Variants in RBFOX1 observed in about 807,000 individuals in gnomAD.
The protein encoded by RBFOX1 is RNA binding protein fox-1 homolog 1.
RBFOX1 carries 8 observed loss-of-function variants against 57.7 expected under a neutral mutation model. The ratio of observed to expected loss-of-function variants is 0.14; its 90% CI spans 0.08 to 0.25. The LOEUF is 0.25. Ranked by LOEUF, RBFOX1 falls within the 10% of genes least tolerant of loss-of-function variation. RBFOX1 has a pLI of 1.00. For synonymous variants in RBFOX1, 326 were observed against 222.4 expected, an observed-to-expected ratio of 1.47 and a Z score of -4.15; for missense variants, 611 against 548.5, an observed-to-expected ratio of 1.11 and a Z score of -1.14.
upstream of RBFOX1, among the ~76,000 whole-genome samples, chr16:6,016,410 C>G (rs746331834): frequency 1.3e-5 from 2 of 152,124 alleles, no homozygotes; most frequent in Non-Finnish European, 2.9e-5. Context: ...TTGGATACAA[C>G]AAGAGAAAAG....
intron 4 of RBFOX1, among the ~76,000 whole-genome samples, chr16:7,337,907 A>G (rs2096823745): frequency 6.6e-6 from 1 of 151,516 alleles, no homozygotes; most frequent in African/African-American, 2.4e-5. Flanking sequence ...CTCATCTTGA[A>G]CTCTTGACCT....
At chr16:5,324,773 A>G (rs139552505) in intron 1 of RBFOX1, among the ~76,000 whole-genome samples, 1 of 152,212 alleles carries the variant, frequency 6.6e-6, no homozygotes, top group Non-Finnish European at 1.5e-5. Context: ...ACGGACACAT[A>G]GAGGGGAACA....
chr16:6,630,069 C>T (rs146747879), intron 2 of RBFOX1, among the ~76,000 whole-genome samples: 1 of 151,166 alleles, frequency 6.6e-6, no homozygotes, highest in African/African-American at 2.4e-5. Flanking sequence ...TTTCTTCTGA[C>T]AGGAAGAGGG....
At chr16:6,712,733 A>G (rs1023265419) in intron 3 of RBFOX1, among the ~76,000 whole-genome samples, 3 of 151,942 alleles carry the variant, frequency 2.0e-5, no homozygotes, top group Admixed American at 6.6e-5. Context: ...CTCCCCTCCT[A>G]TCACCTGGCA....
rs577089710 is a variant in RBFOX1, at chr16:6,936,805, A to C, written c.-15-115252A>C. Among the ~76,000 whole-genome samples, 7 of 152,122 alleles carry C rather than the reference A, an allele frequency of 4.6e-5. No individual in the cohort carries two copies. In the South Asian group the frequency reaches 1.5e-3, roughly 32 times the overall value. ...TGTTGCCTCTTGAAAGCCTGTGCCC[A>C]AAACGCTTTAAAGAGGTTCTTTCCG... On this transcript the variant is annotated intron_variant, in intron 3 of 15. Coordinates refer to ENST00000550418, the MANE Select transcript of RBFOX1 (RefSeq NM_018723.4).
intron 3 of RBFOX1, among the ~76,000 whole-genome samples, chr16:5,855,869 A>G (rs1597503857): frequency 6.7e-6 from 1 of 149,360 alleles, no homozygotes; most frequent in African/African-American, 2.5e-5. Context: ...ATGTCTTTGC[A>G]TTTATCTGTC....
intron 1 of RBFOX1, among the ~76,000 whole-genome samples, chr16:6,113,398 T>C (rs939417393): frequency 6.6e-6 from 1 of 152,182 alleles, no homozygotes; most frequent in Non-Finnish European, 1.5e-5. Flanking sequence ...TTAATACTAC[T>C]TCAGGGAAGT....
At chr16:5,534,425 A>G (rs2044613591) in intron 2 of RBFOX1, among the ~76,000 whole-genome samples, 1 of 152,206 alleles carries the variant, frequency 6.6e-6, no homozygotes, top group African/African-American at 2.4e-5. Context: ...CCTCAAAAGC[A>G]TGGAAGCCAA....
At chr16:6,663,788 A>T (rs2098715578) in intron 3 of RBFOX1, among the ~76,000 whole-genome samples, 1 of 152,218 alleles carries the variant, frequency 6.6e-6, no homozygotes, top group South Asian at 2.1e-4. Context: ...AGGGTATTTA[A>T]GTTTGAGTCT....
chr16:6,540,497 A>G (rs2096798822), intron 2 of RBFOX1, among the ~76,000 whole-genome samples: 1 of 151,038 alleles, frequency 6.6e-6, no homozygotes, highest in Non-Finnish European at 1.5e-5. Context: ...ATGTAGTCCT[A>G]GCTACTCAGG....
chr16:5,901,596 C>G (rs2058306057), intron 4 of RBFOX1, among the ~76,000 whole-genome samples: 1 of 152,104 alleles, frequency 6.6e-6, no homozygotes, highest in African/African-American at 2.4e-5. Context: ...CATAACAGCC[C>G]CATTTCAAGC....
intron 4 of RBFOX1, among the ~76,000 whole-genome samples, chr16:7,368,056 C>T (rs2097493557): frequency 6.6e-6 from 1 of 151,968 alleles, no homozygotes; most frequent in African/African-American, 2.4e-5. Flanking sequence ...CAGCTGAGGT[C>T]AGGGGTTTGA....
At chr16:5,520,038 A>G (rs907328382) in intron 2 of RBFOX1, among the ~76,000 whole-genome samples, 1 of 152,362 alleles carries the variant, frequency 6.6e-6, no homozygotes, top group Admixed American at 6.5e-5. Context: ...GTATAACTAA[A>G]TGATGCAGGA....
rs1275642486 is a variant in RBFOX1, at chr16:6,758,652, C to T, written c.-16+104002C>T. Among the ~76,000 whole-genome samples, 3 of 152,164 alleles carry T rather than the reference C, an allele frequency of 2.0e-5. No homozygotes were observed. The East Asian group carries it at 5.8e-4, about 29-fold the overall frequency. ...ATGCCTAAGACTTTTAAAGCACAGA[C>T]TGTGTTAGTAGCAAGACACACCACC... On this transcript the variant is annotated intron_variant, in intron 3 of 15. Coordinates refer to ENST00000550418, the MANE Select transcript of RBFOX1 (RefSeq NM_018723.4).
chr16:7,500,689 A>G (rs1303355948), intron 4 of RBFOX1, among the ~76,000 whole-genome samples: 1 of 152,172 alleles, frequency 6.6e-6, no homozygotes, highest in African/African-American at 2.4e-5. Flanking sequence ...TGTGAATGAT[A>G]CCCATTCTGA....
At chr16:7,409,211 A>C (rs566217044) in intron 4 of RBFOX1, among the ~76,000 whole-genome samples, 4 of 152,246 alleles carry the variant, frequency 2.6e-5, no homozygotes, top group East Asian at 3.9e-4. Context: ...GGAGAATGAG[A>C]ATCTCTCTGA....
chr16:5,513,325 T>C (rs2043673951), intron 2 of RBFOX1, among the ~76,000 whole-genome samples: 1 of 152,150 alleles, frequency 6.6e-6, no homozygotes, highest in Non-Finnish European at 1.5e-5. Flanking sequence ...AGACTAGGGA[T>C]GTATGTTTTT....
chr16:7,223,678 A>T (rs1296237387), intron 4 of RBFOX1, among the ~76,000 whole-genome samples: 1 of 150,084 alleles, frequency 6.7e-6, no homozygotes, highest in Non-Finnish European at 1.5e-5. Flanking sequence ...GAAATGTTGA[A>T]TTAAATTCCC....
chr16:6,735,021 T>A (rs1176050451), intron 3 of RBFOX1, among the ~76,000 whole-genome samples: 1 of 152,104 alleles, frequency 6.6e-6, no homozygotes, highest in Non-Finnish European at 1.5e-5. Context: ...AGTGTATGTC[T>A]GTGTTCTCAG....
Sources: gnomAD v4.1 joint callset for allele counts (sites outside exome capture counted in the v4.1 genomes callset) on GRCh38, gnomAD v4.1.1 for gene constraint, MANE v1.5 for transcripts, NCBI Gene and HGNC (gene_info 2026-07-23, HGNC 2026-07-21) for gene names.